The following NECTIN1 variants were observed in gnomAD, a reference collection of about 807,000 sequenced individuals.
NECTIN1 encodes nectin-1.
Under a neutral mutation model 48.0 loss-of-function variants are expected in NECTIN1, and 23 were observed. The observed-to-expected ratio is 0.48, with a 90% CI of 0.34 to 0.68. The LOEUF (loss-of-function observed/expected upper bound fraction) is 0.68. NECTIN1 is among the 30% of genes least tolerant of loss of function. The pLI is 0.01. For missense variants in NECTIN1, 591 were observed against 709.9 expected (o/e 0.83, Z 1.90); for synonymous variants, 270 against 288.9 (o/e 0.93, Z 0.66).
Position 119,664,025 on chromosome 11 carries a change from AG to A in NECTIN1, c.*721del, listed in dbSNP as rs1049261533. On this transcript the variant is annotated 3_prime_UTR_variant, in exon 6 of 6. Transcript: ENST00000264025. ...GGAGCCCACCTGGAGCCCCTAATGG[AG>A]GGGGCACATTGGGGATAAAGAGGGG... 1.8e-5 allele frequency: 18 copies of A among 985,464 alleles called. No homozygotes were observed. The highest frequency in any genetic ancestry group is 2.2e-5 in the Non-Finnish European group (18 of 830,304). 61.0% of individuals were successfully genotyped at this position (985,464 alleles called of 1,614,324 possible).
At chr11:119,712,502 G>A (rs960437934) in intron 1 of NECTIN1, among the ~76,000 whole-genome samples, 10 of 152,132 alleles carry the variant, frequency 6.6e-5, no homozygotes, top group Admixed American at 1.3e-4. Flanking sequence ...GCCCCAGCAC[G>A]TGCAAGGCTT....
At chr11:119,666,864 G>A (rs1197365281) in intron 5 of NECTIN1, among the ~76,000 whole-genome samples, 3 of 152,174 alleles carry the variant, frequency 2.0e-5, no homozygotes, top group Non-Finnish European at 2.9e-5. Context: ...AAAGAGGAAA[G>A]GCCTTCCAGG....
At chr11:119,719,320 G>A (rs1377404887) in intron 1 of NECTIN1, among the ~76,000 whole-genome samples, 1 of 152,172 alleles carries the variant, frequency 6.6e-6, no homozygotes, top group Non-Finnish European at 1.5e-5. Context: ...AGTCTTGTGA[G>A]GACTCCAGGC....
intron 5 of NECTIN1, among the ~76,000 whole-genome samples, chr11:119,649,705 T>C (rs1265569439): frequency 6.6e-6 from 1 of 152,018 alleles, no homozygotes; most frequent in African/African-American, 2.4e-5. Context: ...AAAAGAGGAA[T>C]GTTACCAGGA....
chr11:119,715,407 G>A (rs7931978), intron 1 of NECTIN1, among the ~76,000 whole-genome samples: 131,676 of 151,970 alleles, frequency 0.87, 58,906 homozygotes, highest in South Asian at 0.98. Context: ...CCAGGCTGGG[G>A]TGCAATGGTG....
chr11:119,692,113 C>CA (rs1450169834), intron 1 of NECTIN1, among the ~76,000 whole-genome samples: 2 of 151,804 alleles, frequency 1.3e-5, no homozygotes, highest in Admixed American at 1.3e-4. Context: ...CCCATGCTTC[C>CA]CCGCCCGACC....
Position 119,673,822 on chromosome 11 carries a change from G to A in NECTIN1, c.1003+1337C>T, listed in dbSNP as rs1864899807. Among the ~76,000 whole-genome samples the A allele has an allele frequency of 6.6e-6, 1 of 152,176 alleles. No homozygotes were observed. Among genetic ancestry groups the A allele is most frequent in the South Asian group, 2.1e-4 (1 of 4,822 alleles). On this transcript the variant is annotated intron_variant, in intron 5 of 5. Transcript: ENST00000264025. This position sits in a 1 kb window ranked among gnomAD's most constrained non-coding sequence, Gnocchi z 5.8. The stretch of plus-strand genomic sequence containing the variant: ...TGGACCTTCCCCGCTGGGGAGAAGT[G>A]TGTGACACCGGCCCCTTCCACCTGC...
At chr11:119,647,311 T>C (rs1864412267) in intron 5 of NECTIN1, among the ~76,000 whole-genome samples, 1 of 151,624 alleles carries the variant, frequency 6.6e-6, no homozygotes, top group African/African-American at 2.4e-5. Flanking sequence ...GTCTCCAATG[T>C]CACCAGCACC....
rs1319177175 is a variant in NECTIN1, at chr11:119,727,003, C to T, written c.79+1472G>A. Among the ~76,000 whole-genome samples the T allele has an allele frequency of 6.6e-6, 1 of 152,132 alleles. No individual in the cohort carries two copies. Among genetic ancestry groups the T allele is most frequent in the Non-Finnish European group, 1.5e-5 (1 of 68,016 alleles). The stretch of plus-strand genomic sequence containing the variant: ...GGGTGGGCAGTGACACCTGTGAGCC[C>T]TGGATTTTCCCCACCCCCCACATCG... On this transcript the variant is annotated intron_variant, in intron 1 of 5. Transcript: ENST00000264025. The surrounding 1 kb of genome is among the most constrained non-coding windows in gnomAD (Gnocchi z 4.1).
chr11:119,722,331 C>T (rs1865844078), intron 1 of NECTIN1, among the ~76,000 whole-genome samples: 1 of 152,248 alleles, frequency 6.6e-6, no homozygotes, highest in Non-Finnish European at 1.5e-5. Flanking sequence ...GCTGAAGGGA[C>T]TTTCTGCCAG....
chr11:119,677,834 C>T lies in NECTIN1; in HGVS notation c.454G>A (p.Gly152Ser), dbSNP rs766922259. Residue 152 changes from glycine (G) to serine (S), a missense_variant, in exon 3 of 6, where the codon GGT becomes AGT. By Grantham distance (56) the Gly-to-Ser change is moderately conservative. Coordinates refer to ENST00000264025, the MANE Select transcript of NECTIN1 (RefSeq NM_002855.5). The surrounding 1 kb of genome is among the most constrained non-coding windows in gnomAD (Gnocchi z 5.4). ...VMAKPTNWIEGTQAVLRAKKG... is the reference protein window; with the variant it reads ...VMAKPTNWIESTQAVLRAKKG... ...TTGGCTCGAAGCACTGCCTGGGTAC[C>T]CTCTATCCAATTGGTGGGTTTGGCT... The T allele has an allele frequency of 5.6e-6, 9 of 1,614,106 alleles. No homozygotes were observed. Among genetic ancestry groups the T allele is most frequent in the Non-Finnish European group, 7.6e-6 (9 of 1,180,012 alleles).
chr11:119,728,419 C>A, intron 1 of NECTIN1, 56 bp downstream of exon 1: 2 of 1,503,778 alleles, frequency 1.3e-6, no homozygotes, highest in Admixed American at 4.0e-5. Flanking sequence ...CATCCGGCTC[C>A]CAGCCCCGGG....
At position 119,719,463 on chromosome 11, in the gene NECTIN1, C is replaced by T. The variant is rs557843283; in HGVS notation, c.79+9012G>A. Among the ~76,000 whole-genome samples the T allele has an allele frequency of 2.5e-4, 38 of 152,298 alleles. 1 individual carries two copies. In the South Asian group the frequency reaches 4.8e-3, roughly 19 times the overall value. The stretch of plus-strand genomic sequence containing the variant: ...TCCTGGCTCTGCCACTTACTAGCTG[C>T]GTGACCCTGGGCAAGTTACCTAAGC... On this transcript the variant is annotated intron_variant, in intron 1 of 5. Transcript: ENST00000264025.
intron 1 of NECTIN1, among the ~76,000 whole-genome samples, chr11:119,719,878 G>A (rs191100552): frequency 3.2e-4 from 49 of 152,306 alleles, no homozygotes; most frequent in African/African-American, 9.9e-4. Context: ...CTTAGCTTGC[G>A]GGGGGAGCGG....
rs912179954 is a variant in NECTIN1, at chr11:119,663,042, G to A, written c.*1705C>T. 5 of 983,602 alleles carry A rather than the reference G, an allele frequency of 5.1e-6. No homozygotes were observed. The African/African-American group carries it at 7.2e-5, about 14-fold the overall frequency. The allele number at this position is 983,602 out of a possible 1,614,324, so 60.9% of individuals were successfully genotyped here. ...GGGAGGGGAGGGGAGGGGTTGGGGG[G>A]CTCCCTTAGGAAGCCTATGGCAGGG... On this transcript the variant is annotated 3_prime_UTR_variant, in exon 6 of 6. Coordinates refer to ENST00000264025, the MANE Select transcript of NECTIN1 (RefSeq NM_002855.5).
intron 5 of NECTIN1, chr11:119,642,670 A>G (rs143974024): frequency 2.6e-5 from 4 of 153,706 alleles, no homozygotes; most frequent in Non-Finnish European, 5.9e-5. Context: ...GATTGGATCC[A>G]GGACCCCTAG....
In NECTIN1 at chr11:119,677,204, G is replaced by T; in HGVS notation, c.749C>A (p.Thr250Asn). ...CCAGTTGCCATCAAACCCCTCAATGGTTACCTCAGGCTCATCTGTGGGGCA... is the reference window on the plus strand; with the variant it reads ...CCAGTTGCCATCAAACCCCTCAATGTTTACCTCAGGCTCATCTGTGGGGCA... ...TLNVQYEPEVTIEGFDGNWYL... is the reference protein window; with the variant it reads ...TLNVQYEPEVNIEGFDGNWYL... The change falls in exon 4 of 6, where the codon ACC (threonine) becomes AAC (asparagine). Residue 250 changes from threonine (T) to asparagine (N), a missense_variant. Physicochemically the swap from Thr to Asn is moderately conservative, Grantham distance 65. Transcript: ENST00000264025. This position sits in a 1 kb window ranked among gnomAD's most constrained non-coding sequence, Gnocchi z 5.4. 1 of 1,614,080 alleles carries T rather than the reference G, an allele frequency of 6.2e-7. No homozygotes were observed. Among genetic ancestry groups the T allele is most frequent in the Non-Finnish European group, 8.5e-7 (1 of 1,179,976 alleles).
chr11:119,700,672 T>C (rs1865435895), intron 1 of NECTIN1, among the ~76,000 whole-genome samples: 1 of 152,236 alleles, frequency 6.6e-6, no homozygotes, highest in Admixed American at 6.5e-5. Context: ...TAGGATGTGA[T>C]CGCAGCATGG....
chr11:119,716,196 C>T (rs1865740694), intron 1 of NECTIN1, among the ~76,000 whole-genome samples: 1 of 152,138 alleles, frequency 6.6e-6, no homozygotes, highest in Non-Finnish European at 1.5e-5. Context: ...ACATACTCTG[C>T]TTGCATTGAC....
Sources: gnomAD v4.1 joint callset for allele counts (sites outside exome capture counted in the v4.1 genomes callset) on GRCh38, gnomAD v4.1.1 for gene constraint, Gnocchi (gnomAD v3.1) non-coding constraint, MANE v1.5 for transcripts, NCBI Gene and HGNC (gene_info 2026-07-23, HGNC 2026-07-21) for gene names.